Variants in PCDH15 observed in about 807,000 individuals in gnomAD.
PCDH15 encodes protocadherin related 15, also known as protocadherin-15.
PCDH15 carries 129 observed loss-of-function variants against 178.5 expected under a neutral mutation model. The observed-to-expected ratio is 0.72, with a 90% CI of 0.63 to 0.84. The LOEUF (loss-of-function observed/expected upper bound fraction) is 0.84. Among genes scored for constraint, PCDH15 ranks in the 40% least tolerant of loss-of-function variants. The pLI, the probability that PCDH15 is intolerant of heterozygous loss-of-function variation, is 0.00. For missense variants in PCDH15, 2,230 were observed against 2,099.9 expected, an observed-to-expected ratio of 1.06 and a Z score of -1.21; for synonymous variants, 800 against 732.0, an observed-to-expected ratio of 1.09 and a Z score of -1.50.
intron 2 of PCDH15, among the ~76,000 whole-genome samples, chr10:55,403,240 T>C (rs767149464): frequency 1.3e-5 from 2 of 151,818 alleles, no homozygotes; most frequent in Non-Finnish European, 2.9e-5. Context: ...TGCTGGTGAG[T>C]TGTTTGAGTC....
chr10:53,927,492 C>A (rs2610846), intron 25 of PCDH15, among the ~76,000 whole-genome samples: 20,987 of 151,880 alleles, frequency 0.14, 3,681 homozygotes, highest in African/African-American at 0.4. Flanking sequence ...AAAATCAGAT[C>A]CATTTTGGAC....
chr10:54,356,902 AC>A (rs1336251856), intron 5 of PCDH15, among the ~76,000 whole-genome samples: 31 of 152,308 alleles, frequency 2.0e-4, no homozygotes, highest in African/African-American at 6.7e-4. Context: ...AGAACCAAAG[AC>A]AAACACCACA....
chr10:53,843,658 CCTT>C (rs1564594282), intron 28 of PCDH15, among the ~76,000 whole-genome samples: 2 of 151,850 alleles, frequency 1.3e-5, no homozygotes, highest in African/African-American at 2.4e-5. Flanking sequence ...TAAAAAATCT[CCTT>C]AACTCCCTAT....
At position 55,108,203 on chromosome 10, in the gene PCDH15, G is replaced by A. The variant is rs549113760; in HGVS notation, c.-80+58373C>T. Among the ~76,000 whole-genome samples the A allele has an allele frequency of 2.6e-5, 4 of 152,204 alleles. No individual in the cohort carries two copies. In the East Asian group the frequency reaches 7.7e-4, roughly 29 times the overall value. ...GAACTGTGAGAAATCAATGTTTGTTGGTTAGGCTGCCCAGTCTATGGTAGT... is the reference window on the plus strand; with the variant it reads ...GAACTGTGAGAAATCAATGTTTGTTAGTTAGGCTGCCCAGTCTATGGTAGT... On this transcript the variant is annotated intron_variant, in intron 2 of 5. Transcript: ENST00000458638.
chr10:53,921,998 ATATTT>A (rs970701791), intron 25 of PCDH15, among the ~76,000 whole-genome samples: 1 of 152,094 alleles, frequency 6.6e-6, no homozygotes, highest in South Asian at 2.1e-4. Context: ...AAATTTTAGT[ATATTT>A]TCTTTTTTAT....
At chr10:54,783,012 T>C (rs937885610) in intron 1 of PCDH15, among the ~76,000 whole-genome samples, 1 of 152,002 alleles carries the variant, frequency 6.6e-6, no homozygotes, top group African/African-American at 2.4e-5. Flanking sequence ...CTCCATAAAA[T>C]TGGAAGAAGA....
intron 2 of PCDH15, among the ~76,000 whole-genome samples, chr10:54,900,537 T>C (rs1954621674): frequency 6.6e-6 from 1 of 152,200 alleles, no homozygotes; most frequent in Admixed American, 6.5e-5. Context: ...TTAATTTCAA[T>C]CCATTACTTT....
chr10:54,382,063 G>A (rs748595957), intron 3 of PCDH15, among the ~76,000 whole-genome samples: 12 of 151,940 alleles, frequency 7.9e-5, no homozygotes, highest in Admixed American at 2.0e-4. Context: ...AATCACAATC[G>A]TGTTAAAAAT....
At chr10:54,849,968 G>A (rs574769116) in intron 3 of PCDH15, among the ~76,000 whole-genome samples, 20 of 152,180 alleles carry the variant, frequency 1.3e-4, no homozygotes, top group Admixed American at 3.9e-4. Context: ...TAAAATAAAT[G>A]GTGGGATTGG....
chr10:55,323,178 T>C (rs1843949069), upstream of PCDH15, among the ~76,000 whole-genome samples: 1 of 152,192 alleles, frequency 6.6e-6, no homozygotes, highest in African/African-American at 2.4e-5. Context: ...TTTGGGAACT[T>C]CCATCTAGAT....
chr10:54,358,566 C>G (rs939337242), intron 5 of PCDH15, among the ~76,000 whole-genome samples: 15 of 151,968 alleles, frequency 9.9e-5, no homozygotes, highest in African/African-American at 3.1e-4. Context: ...GTTGGTGGGA[C>G]TGTAAACTAG....
chr10:55,247,643 G>C (rs1183809177), intron 1 of PCDH15: 2 of 151,332 alleles, frequency 1.3e-5, no homozygotes, highest in African/African-American at 4.9e-5. Context: ...TAGAGGCTAG[G>C]TGTTGTGGCT....
At chr10:54,819,928 T>G (rs1211365915) in intron 3 of PCDH15, among the ~76,000 whole-genome samples, 5 of 152,190 alleles carry the variant, frequency 3.3e-5, no homozygotes, top group African/African-American at 1.2e-4. Flanking sequence ...TTTATTCCTT[T>G]GTAATAAAAA....
At chr10:55,471,653 G>T (rs370680682) in intron 2 of PCDH15, among the ~76,000 whole-genome samples, 28 of 152,184 alleles carry the variant, frequency 1.8e-4, no homozygotes, top group Admixed American at 1.7e-3. Context: ...CACCTGCCTC[G>T]GTTGGGTAGT....
chr10:53,810,108 CATAAATTACAT>C (rs1480990722), intron 37 of PCDH15, among the ~76,000 whole-genome samples: 1 of 150,902 alleles, frequency 6.6e-6, no homozygotes, highest in East Asian at 2.0e-4. Flanking sequence ...CTAATTTAAA[CATAAATTACAT>C]TATTCCTTGA....
chr10:54,678,966 G>A (rs945143556), intron 1 of PCDH15, among the ~76,000 whole-genome samples: 11 of 151,860 alleles, frequency 7.2e-5, no homozygotes, highest in Non-Finnish European at 1.6e-4. Context: ...CGAGGCGGGC[G>A]GATCACGAGG....
chr10:54,565,647 C>G (rs1422833114), intron 2 of PCDH15, among the ~76,000 whole-genome samples: 1 of 152,054 alleles, frequency 6.6e-6, no homozygotes, highest in Non-Finnish European at 1.5e-5. Context: ...TATTTTATTC[C>G]TTGTTTGGGG....
rs145103767 is a variant in PCDH15, at chr10:54,909,013, C to T, written c.-79-11513G>A. ...CTCTCTGCTAGGCAGGTCATCCCGACGAGTGTCCAGCTTTCAGCAGAGAGG... is the reference window on the plus strand; with the variant it reads ...CTCTCTGCTAGGCAGGTCATCCCGATGAGTGTCCAGCTTTCAGCAGAGAGG... On this transcript the variant is annotated intron_variant, in intron 2 of 5. Transcript: ENST00000458638. Among the ~76,000 whole-genome samples, 631 of 151,818 alleles carry T rather than the reference C, an allele frequency of 4.2e-3. 4 individuals are homozygous for T. The highest frequency in any genetic ancestry group is 0.014 in the African/African-American group (598 of 41,392).
chr10:55,349,618 G>A (rs1844857284), intron 2 of PCDH15, among the ~76,000 whole-genome samples: 1 of 151,308 alleles, frequency 6.6e-6, no homozygotes, highest in Non-Finnish European at 1.5e-5. Flanking sequence ...GAGATCAAAT[G>A]GTAACTAAAA....
Sources: gnomAD v4.1 joint callset for allele counts (sites outside exome capture counted in the v4.1 genomes callset) on GRCh38, gnomAD v4.1.1 for gene constraint, MANE v1.5 for transcripts, NCBI Gene and HGNC (gene_info 2026-07-23, HGNC 2026-07-21) for gene names.